The following PCDHGA2 variants were observed in gnomAD, a reference collection of about 807,000 sequenced individuals.
The protein encoded by PCDHGA2 is protocadherin gamma-A2.
In PCDHGA2, 40 loss-of-function variants were observed where a neutral mutation model predicts 59.2. The ratio of observed to expected loss-of-function variants is 0.68; its 90% CI spans 0.52 to 0.88. PCDHGA2 has a LOEUF of 0.88. Ranked by LOEUF, PCDHGA2 falls within the 40% of genes least tolerant of loss-of-function variation. The pLI is 0.00. For missense variants in PCDHGA2, 1,226 were observed against 1,204.0 expected (o/e 1.02, Z -0.27); for synonymous variants, 560 against 526.0 (o/e 1.06, Z -0.89).
At chr5:141,423,357 C>G in intron 1 of PCDHGA2, 1 of 1,614,214 alleles carries the variant, frequency 6.2e-7, no homozygotes. Context: ...TCTTTGTCAT[C>G]GTGCTGCTGG....
intron 1 of PCDHGA2, chr5:141,417,999 TG>T: frequency 6.2e-7 from 1 of 1,613,838 alleles, no homozygotes; most frequent in Non-Finnish European, 8.5e-7. Context: ...GGCTCGGTGG[TG>T]GGGAACCTCG....
intron 1 of PCDHGA2, chr5:141,345,484 A>C: frequency 6.2e-7 from 1 of 1,613,876 alleles, no homozygotes. Flanking sequence ...AGCAACAACA[A>C]CGCCCGCATC....
intron 1 of PCDHGA2, chr5:141,478,642 T>C (rs777741719): frequency 6.4e-7 from 1 of 1,552,350 alleles, no homozygotes; most frequent in Non-Finnish European, 8.7e-7. Context: ...GTGATGAAGA[T>C]GTTTTCCTGG....
At chr5:141,371,175 G>C (rs753971437) in intron 1 of PCDHGA2, 2 of 1,613,886 alleles carry the variant, frequency 1.2e-6, no homozygotes, top group African/African-American at 2.7e-5. Context: ...TGGCTCCTCC[G>C]TATTAAAAGT....
chr5:141,374,273 G>A, intron 1 of PCDHGA2: 1 of 1,614,012 alleles, frequency 6.2e-7, no homozygotes, highest in South Asian at 1.1e-5. Flanking sequence ...GGAGCACGGA[G>A]TCCGCATCGT....
intron 1 of PCDHGA2, among the ~76,000 whole-genome samples, chr5:141,436,884 G>T (rs1041906146): frequency 6.6e-6 from 1 of 152,190 alleles, no homozygotes; most frequent in Non-Finnish European, 1.5e-5. Context: ...AAAAGATGGG[G>T]GAAAGATTTT....
chr5:141,357,376 C>T (rs374725533), intron 1 of PCDHGA2: 7 of 1,614,092 alleles, frequency 4.3e-6, no homozygotes, highest in Non-Finnish European at 5.9e-6. Flanking sequence ...ACGCCTGCTT[C>T]ACGCTGAAGG....
At chr5:141,504,696 G>T (rs2099840373) in intron 2 of PCDHGA2, among the ~76,000 whole-genome samples, 1 of 151,438 alleles carries the variant, frequency 6.6e-6, no homozygotes, top group African/African-American at 2.4e-5. Flanking sequence ...GGAGGGGCAG[G>T]TTCTTCTATG....
chr5:141,376,297 G>A (rs1283407370), intron 1 of PCDHGA2: 4 of 1,614,068 alleles, frequency 2.5e-6, no homozygotes, highest in Admixed American at 3.3e-5. Flanking sequence ...TGCCCGGCTC[G>A]CACTTTGTGG....
In PCDHGA2 at chr5:141,400,300, C is replaced by A. The variant is rs1267834290; in HGVS notation, c.2424+58905C>A. The stretch of plus-strand genomic sequence containing the variant: ...CCCTGCCGCCTGGAGCTGCTTCCAA[C>A]CTGGTCTCTGTGTCAAGTCTGGACC... On this transcript the variant is annotated intron_variant, in intron 1 of 3. Transcript: ENST00000394576. 6.8e-6 allele frequency: 11 copies of A among 1,613,966 alleles called. No individual in the cohort carries two copies. The African/African-American group carries it at 1.3e-4, about 20-fold the overall frequency.
chr5:141,442,716 G>A (rs1367250926), intron 1 of PCDHGA2, among the ~76,000 whole-genome samples: 1 of 152,206 alleles, frequency 6.6e-6, no homozygotes, highest in East Asian at 1.9e-4. Context: ...ACATGCCAGA[G>A]CATTTGGGGC....
At chr5:141,369,451 A>G (rs1235926631) in intron 1 of PCDHGA2, among the ~76,000 whole-genome samples, 3 of 152,150 alleles carry the variant, frequency 2.0e-5, no homozygotes, top group African/African-American at 7.2e-5. Context: ...AGGATTGCTT[A>G]AAGCCAGGTG....
chr5:141,367,486 G>A (rs1765164408), intron 1 of PCDHGA2: 1 of 152,108 alleles, frequency 6.6e-6, no homozygotes, highest in African/African-American at 2.4e-5. Context: ...GCAGTAAGCC[G>A]AGATCGCGCC....
intron 2 of PCDHGA2, among the ~76,000 whole-genome samples, chr5:141,501,420 T>C (rs1429838126): frequency 6.6e-6 from 1 of 152,006 alleles, no homozygotes; most frequent in Non-Finnish European, 1.5e-5. Context: ...AATAGTTGAC[T>C]AAATGTAGTC....
rs375260597 is a variant in PCDHGA2 at position 141,388,655 on chromosome 5, G to C, written c.2424+47260G>C. On this transcript the variant is annotated intron_variant, in intron 1 of 3. Coordinates refer to ENST00000394576, the MANE Select transcript of PCDHGA2 (RefSeq NM_018915.4). Reference sequence around the variant, plus strand: ...TGAGCCTTTCAGAAAACGTGTACCCGGGGACCACGGTGCTACAGGTGACTG... The same window carrying C: ...TGAGCCTTTCAGAAAACGTGTACCCCGGGACCACGGTGCTACAGGTGACTG... The C allele has an allele frequency of 1.9e-6, 3 of 1,613,808 alleles. No individual in the cohort carries two copies. In the African/African-American group the frequency reaches 4.0e-5, roughly 22 times the overall value.
chr5:141,459,613 C>A (rs1040874685), intron 1 of PCDHGA2, among the ~76,000 whole-genome samples: 1 of 152,188 alleles, frequency 6.6e-6, no homozygotes, highest in African/African-American at 2.4e-5. Context: ...ATATGCTTAA[C>A]TTTATAAGAA....
chr5:141,370,990 C>T (rs763809323), intron 1 of PCDHGA2: 3 of 1,613,826 alleles, frequency 1.9e-6, no homozygotes, highest in Admixed American at 1.7e-5. Flanking sequence ...CTGAAAGCAC[C>T]CCTGGACAGG....
In PCDHGA2 at chr5:141,418,134, G is replaced by A. The variant is rs367774534; in HGVS notation, c.2425-76673G>A. ...TTACTTGTGAAGGACCGAATAGACC[G>A]TGAGCAAATATGCAAAGAGAGAAGA... On this transcript the variant is annotated intron_variant, in intron 1 of 3. Transcript: ENST00000394576. The A allele has an allele frequency of 3.1e-6, 5 of 1,613,970 alleles. No individual in the cohort carries two copies. In the African/African-American group the frequency reaches 4.0e-5, roughly 13 times the overall value.
Position 141,476,559 on chromosome 5 carries a change from T to C in PCDHGA2, c.2425-18248T>C. The stretch of plus-strand genomic sequence containing the variant: ...ATGAAATTGGAGATTAGCGAGGCCG[T>C]GGCTCCGGGGACGCGCTTTCCGCTC... On this transcript the variant is annotated intron_variant, in intron 1 of 3. Coordinates refer to ENST00000394576, the MANE Select transcript of PCDHGA2 (RefSeq NM_018915.4). This position sits in a 1 kb window ranked among gnomAD's most constrained non-coding sequence, Gnocchi z 7.6. 4 of 1,614,228 alleles carry C rather than the reference T, an allele frequency of 2.5e-6. No homozygotes were observed. Among genetic ancestry groups the C allele is most frequent in the Non-Finnish European group, 3.4e-6 (4 of 1,180,036 alleles).
Sources: gnomAD v4.1 joint callset for allele counts (sites outside exome capture counted in the v4.1 genomes callset) on GRCh38, gnomAD v4.1.1 for gene constraint, Gnocchi (gnomAD v3.1) non-coding constraint, MANE v1.5 for transcripts, NCBI Gene and HGNC (gene_info 2026-07-23, HGNC 2026-07-21) for gene names.